The following SLC5A4 variants were observed in gnomAD, a reference collection of about 807,000 sequenced individuals.
SLC5A4 encodes solute carrier family 5 member 4.
Under a neutral mutation model 70.3 loss-of-function variants are expected in SLC5A4, and 55 were observed. That is an observed-to-expected ratio of 0.78 (90% CI 0.63 to 0.98). The LOEUF is 0.98. Ranked by LOEUF, SLC5A4 falls within the 50% of genes least tolerant of loss-of-function variation. The pLI, the probability that SLC5A4 is intolerant of heterozygous loss-of-function variation, is 0.00. For missense variants in SLC5A4, 735 were observed against 839.2 expected, an observed-to-expected ratio of 0.88 and a Z score of 1.53; for synonymous variants, 268 against 305.7, an observed-to-expected ratio of 0.88 and a Z score of 1.29.
chr22:32,239,743 G>A (rs1926400571), intron 5 of SLC5A4, among the ~76,000 whole-genome samples: 1 of 146,316 alleles, frequency 6.8e-6, no homozygotes, highest in Admixed American at 7.0e-5. Context: ...TGTACCAAAC[G>A]GCCGGGTGCG....
the SLC5A4 span, among the ~76,000 whole-genome samples, chr22:32,307,242 A>G: frequency 6.6e-6 from 1 of 150,938 alleles, no homozygotes; most frequent in Non-Finnish European, 1.5e-5. Context: ...ATGTGAAGAT[A>G]GGAGTTTTAG....
the SLC5A4 span, among the ~76,000 whole-genome samples, chr22:32,307,131 C>T: frequency 6.7e-6 from 1 of 149,594 alleles, no homozygotes; most frequent in Non-Finnish European, 1.5e-5. Context: ...AGCCCATTAC[C>T]ATTTATGGTA....
At chr22:32,321,958 C>A in the SLC5A4 span, among the ~76,000 whole-genome samples, 4 of 152,196 alleles carry the variant, frequency 2.6e-5, no homozygotes, top group Non-Finnish European at 5.9e-5. Flanking sequence ...CAAGTGAAAA[C>A]ACTTCCATGT....
the SLC5A4 span, among the ~76,000 whole-genome samples, chr22:32,340,838 C>G: frequency 6.6e-6 from 1 of 152,164 alleles, no homozygotes; most frequent in Non-Finnish European, 1.5e-5. Flanking sequence ...AGACCATCGG[C>G]ACGTCTTGAC....
chr22:32,272,328 A>G, the SLC5A4 span: 10 of 828,840 alleles, frequency 1.2e-5, no homozygotes, highest in East Asian at 1.7e-4. Flanking sequence ...TGCCCTGTGC[A>G]CTGCAAGGCC....
the SLC5A4 span, among the ~76,000 whole-genome samples, chr22:32,266,564 GA>G: frequency 6.6e-6 from 1 of 152,132 alleles, no homozygotes; most frequent in Non-Finnish European, 1.5e-5. Context: ...TAAAAGCAAA[GA>G]AAAAATTATA....
Position 32,248,805 on chromosome 22 carries a change from A to G in SLC5A4, c.313-3T>C. On this transcript the variant is annotated splice_region_variant and splice_polypyrimidine_tract_variant and intron_variant, in intron 3 of 14. Coordinates refer to ENST00000266086, the MANE Select transcript of SLC5A4 (RefSeq NM_014227.3). ...AGAATCAGCAACATTACTGAGGACTACAAGGAACCAAAATAAGAGACAGTG... is the reference window on the plus strand; with the variant it reads ...AGAATCAGCAACATTACTGAGGACTGCAAGGAACCAAAATAAGAGACAGTG... 1 of 1,605,578 alleles carries G rather than the reference A, an allele frequency of 6.2e-7. No individual in the cohort carries two copies. Among genetic ancestry groups the G allele is most frequent in the Non-Finnish European group, 8.5e-7 (1 of 1,172,154 alleles).
In SLC5A4 at chr22:32,218,596, C is replaced by G. The variant is rs757023225; in HGVS notation, c.1898G>C (p.Arg633Thr). Residue 633 changes from arginine to threonine, a missense_variant, in exon 15 of 15, where the codon AGG (arginine) becomes ACG (threonine). Transcript: ENST00000266086. ...GTTCACTATTGTCCTCCACGAGGGCCTCTCAGACGTGTCTGTGAGCTTCTT... is the reference window on the plus strand; with the variant it reads ...GTTCACTATTGTCCTCCACGAGGGCGTCTCAGACGTGTCTGTGAGCTTCTT... Reference protein sequence around the residue: ...LSKKLTDTSERPSWRTIVNIN... With the variant: ...LSKKLTDTSETPSWRTIVNIN... 25 of 1,613,792 alleles carry G rather than the reference C, an allele frequency of 1.5e-5. No homozygotes were observed. The highest frequency in any genetic ancestry group is 2.1e-5 in the Non-Finnish European group (25 of 1,179,948).
chr22:32,308,764 ATGTATG>A, the SLC5A4 span, among the ~76,000 whole-genome samples: 8 of 68,044 alleles, frequency 1.2e-4, no homozygotes, highest in South Asian at 5.2e-4. Context: ...ATGAAATCAC[ATGTATG>A]TGTGTGAGGG....
chr22:32,310,008 T>C, the SLC5A4 span, among the ~76,000 whole-genome samples: 2 of 139,910 alleles, frequency 1.4e-5, no homozygotes, highest in Non-Finnish European at 3.0e-5. Context: ...ACAAACCCCA[T>C]GAGTTTTTCA....
the SLC5A4 span, among the ~76,000 whole-genome samples, chr22:32,352,833 C>A: frequency 9.9e-4 from 150 of 152,250 alleles, no homozygotes; most frequent in Non-Finnish European, 1.3e-3. Context: ...CAGCCGCCAT[C>A]CTACCGCTCT....
At chr22:32,310,491 C>A in the SLC5A4 span, among the ~76,000 whole-genome samples, 33 of 138,938 alleles carry the variant, frequency 2.4e-4, no homozygotes, top group South Asian at 8.4e-3. Flanking sequence ...GGCTGTGCAC[C>A]CCCTTATGGC....
chr22:32,255,473 T>A, upstream of SLC5A4: 1 of 814,184 alleles, frequency 1.2e-6, no homozygotes. Context: ...TCCAAAGCTG[T>A]GGCACCCCAG....
chr22:32,329,642 G>T, the SLC5A4 span, among the ~76,000 whole-genome samples: 29 of 79,826 alleles, frequency 3.6e-4, no homozygotes, highest in African/African-American at 5.0e-4. Context: ...AGGGCTCTGG[G>T]GTGTGTGTTG....
At chr22:32,234,073 AG>A (rs1925919411) in intron 8 of SLC5A4, among the ~76,000 whole-genome samples, 1 of 152,192 alleles carries the variant, frequency 6.6e-6, no homozygotes, top group Admixed American at 6.5e-5. Context: ...CCTTCATCAT[AG>A]GGAAGCCAAC....
chr22:32,321,678 C>G, the SLC5A4 span, among the ~76,000 whole-genome samples: 3 of 152,176 alleles, frequency 2.0e-5, no homozygotes, highest in African/African-American at 7.2e-5. Context: ...TCCATGTGTT[C>G]TCATCATTTA....
Position 32,244,876 on chromosome 22 carries a change from A to C in SLC5A4, c.477+2535T>G, listed in dbSNP as rs1234223128. On this transcript the variant is annotated intron_variant, in intron 5 of 14. Coordinates refer to ENST00000266086, the MANE Select transcript of SLC5A4 (RefSeq NM_014227.3). ...TTGTGATGAAACATATATGACATAA[A>C]ATTTACCATTTTAACCATTTAAGTA... Among the ~76,000 whole-genome samples, 10 of 152,184 alleles carry C rather than the reference A, an allele frequency of 6.6e-5. No homozygotes were observed. In the East Asian group the frequency reaches 1.9e-3, roughly 29 times the overall value.
chr22:32,333,813 T>TCA, the SLC5A4 span, among the ~76,000 whole-genome samples: 72 of 142,126 alleles, frequency 5.1e-4, no homozygotes, highest in African/African-American at 4.7e-4. Flanking sequence ...CCACACAATA[T>TCA]CACACACACA....
intron 10 of SLC5A4, among the ~76,000 whole-genome samples, chr22:32,229,690 G>A (rs1925632984): frequency 6.6e-6 from 1 of 152,028 alleles, no homozygotes; most frequent in Non-Finnish European, 1.5e-5. Context: ...TGGTTAATGG[G>A]TACAAAAAAG....
Sources: allele counts gnomAD v4.1 joint callset (sites outside exome capture counted in the v4.1 genomes callset), GRCh38; gene constraint gnomAD v4.1.1; transcripts MANE v1.5; gene names NCBI Gene and HGNC (gene_info 2026-07-23, HGNC 2026-07-21).